TMEM74: variants seen among roughly 807,000 people sequenced by gnomAD.
TMEM74 encodes the protein transmembrane protein 74.
A neutral mutation model predicts 18.1 loss-of-function variants in TMEM74; 13 were observed. That is an observed-to-expected ratio of 0.72 (90% confidence interval 0.47 to 1.14). The LOEUF (loss-of-function observed/expected upper bound fraction) is 1.14. TMEM74 is among the 50% of genes most tolerant of loss of function. TMEM74 has a pLI of 0.00. For synonymous variants in TMEM74, 159 were observed against 146.6 expected (o/e 1.08, Z -0.61); for missense variants, 372 against 375.9 (o/e 0.99, Z 0.09).
At chr8:108,775,112 A>G (rs906030426), downstream of TMEM74, among the ~76,000 whole-genome samples, 5 of 152,196 alleles carry the variant, frequency 3.3e-5, no homozygotes, top group African/African-American at 1.2e-4. Flanking sequence ...CATGATAACC[A>G]TAAGAAACAA....
chr8:108,729,920 A>G (rs763838296), intron 1 of TMEM74, among the ~76,000 whole-genome samples: 1 of 152,210 alleles, frequency 6.6e-6, no homozygotes, highest in Non-Finnish European at 1.5e-5. Context: ...GTGGACAAAT[A>G]AGTTAGAACT....
chr8:108,670,069 G>A (rs1812988622), intron 1 of TMEM74, among the ~76,000 whole-genome samples: 1 of 148,582 alleles, frequency 6.7e-6, no homozygotes, highest in South Asian at 2.1e-4. Context: ...GCAATGAATG[G>A]CTTAATTCCT....
chr8:108,787,259 G>A (rs756631353), intron 1 of TMEM74, among the ~76,000 whole-genome samples: 15 of 152,300 alleles, frequency 9.8e-5, no homozygotes, highest in East Asian at 1.9e-4. Context: ...CGAGCCCCAA[G>A]CACCTGGCAG....
intron 1 of TMEM74, among the ~76,000 whole-genome samples, chr8:108,738,335 A>C (rs1217720321): frequency 6.6e-6 from 1 of 152,198 alleles, no homozygotes; most frequent in Non-Finnish European, 1.5e-5. Flanking sequence ...GTTTGTGCAC[A>C]GTTCAGAACA....
At chr8:108,766,204 C>T (rs1814105697) in intron 1 of TMEM74, among the ~76,000 whole-genome samples, 1 of 150,412 alleles carries the variant, frequency 6.6e-6, no homozygotes, top group Non-Finnish European at 1.5e-5. Context: ...TTCTCCTTTC[C>T]TTCCTTCCTT....
In TMEM74 at chr8:108,781,802, CA is replaced by C. The variant is rs1463430800; in HGVS notation, c.*2378del. 6.6e-6 allele frequency among the ~76,000 whole-genome samples: 1 copy of C among 152,084 alleles called. No individual in the cohort carries two copies. Among genetic ancestry groups the C allele is most frequent in the Non-Finnish European group, 1.5e-5 (1 of 68,000 alleles). ...GTTGAATATTTTTTTTCCAAAATGGCATTTTTCAAAATGTTACCTCTAGATC... is the reference window on the plus strand; with the variant it reads ...GTTGAATATTTTTTTTCCAAAATGGCTTTTTCAAAATGTTACCTCTAGATC... On this transcript the variant is annotated 3_prime_UTR_variant, in exon 2 of 2. Coordinates refer to ENST00000297459, the MANE Select transcript of TMEM74 (RefSeq NM_153015.3).
chr8:108,624,592 A>G (rs1812476605), intron 2 of TMEM74, among the ~76,000 whole-genome samples: 1 of 152,114 alleles, frequency 6.6e-6, no homozygotes, highest in African/African-American at 2.4e-5. Flanking sequence ...AGGTATACAT[A>G]GTCTCTTCAG....
chr8:108,675,135 G>A (rs1208513663), intron 1 of TMEM74, among the ~76,000 whole-genome samples: 1 of 152,156 alleles, frequency 6.6e-6, no homozygotes, highest in Non-Finnish European at 1.5e-5. Flanking sequence ...GAGTTCCCCT[G>A]TGGGAATAAG....
At chr8:108,682,458 A>T (rs1467664288) in intron 1 of TMEM74, among the ~76,000 whole-genome samples, 1 of 152,032 alleles carries the variant, frequency 6.6e-6, no homozygotes, top group South Asian at 2.1e-4. Flanking sequence ...ACTAATTTAT[A>T]TTTATCTGTT....
intron 2 of TMEM74, among the ~76,000 whole-genome samples, chr8:108,631,460 C>T (rs1053216478): frequency 6.6e-6 from 1 of 152,008 alleles, no homozygotes; most frequent in Non-Finnish European, 1.5e-5. Context: ...CATTTGCTTT[C>T]CACTTGGTGT....
At chr8:108,712,391 T>A (rs914385944) in intron 1 of TMEM74, among the ~76,000 whole-genome samples, 10 of 152,200 alleles carry the variant, frequency 6.6e-5, no homozygotes, top group African/African-American at 2.2e-4. Flanking sequence ...AAATGTCAGT[T>A]GATTCATGTA....
intron 2 of TMEM74, among the ~76,000 whole-genome samples, chr8:108,642,853 C>A (rs984181866): frequency 1.3e-5 from 2 of 152,124 alleles, no homozygotes; most frequent in African/African-American, 2.4e-5. Context: ...TTATTAAATT[C>A]ATTGTAGGAA....
At chr8:108,786,272 A>G (rs1385726129) in intron 1 of TMEM74, among the ~76,000 whole-genome samples, 1 of 152,214 alleles carries the variant, frequency 6.6e-6, no homozygotes, top group Non-Finnish European at 1.5e-5. Flanking sequence ...TGAGCAGAAA[A>G]CCATCGGCTT....
intron 2 of TMEM74, among the ~76,000 whole-genome samples, chr8:108,613,981 T>C (rs1214009844): frequency 6.6e-6 from 1 of 151,962 alleles, no homozygotes; most frequent in African/African-American, 2.4e-5. Flanking sequence ...TTTAGGAACC[T>C]GACACATAAT....
chr8:108,608,075 G>A (rs960946979), intron 3 of TMEM74, among the ~76,000 whole-genome samples: 2 of 152,070 alleles, frequency 1.3e-5, no homozygotes, highest in Admixed American at 6.5e-5. Flanking sequence ...AGGCCGAGGC[G>A]GGTGGATCAC....
chr8:108,657,580 G>A (rs545018851), intron 1 of TMEM74, among the ~76,000 whole-genome samples: 13 of 151,654 alleles, frequency 8.6e-5, no homozygotes, highest in Admixed American at 3.3e-4. Context: ...TTTTTGGACC[G>A]GGCGCGGTGG....
chr8:108,745,941 C>T (rs1248489661), intron 1 of TMEM74, among the ~76,000 whole-genome samples: 1 of 152,052 alleles, frequency 6.6e-6, no homozygotes, highest in Non-Finnish European at 1.5e-5. Context: ...AGTCATGTAC[C>T]CGCTGTTTGC....
intron 2 of TMEM74, among the ~76,000 whole-genome samples, chr8:108,612,846 TTAAAGCC>T (rs1336880740): frequency 6.6e-6 from 1 of 152,184 alleles, no homozygotes; most frequent in Non-Finnish European, 1.5e-5. Context: ...CTGTAAGTCA[TTAAAGCC>T]TAAATTTGCT....
At chr8:108,729,520 A>T (rs552227735) in intron 1 of TMEM74, among the ~76,000 whole-genome samples, 1 of 152,332 alleles carries the variant, frequency 6.6e-6, no homozygotes, top group Non-Finnish European at 1.5e-5. Context: ...TAGGGCAAGG[A>T]TATCTTTGGG....
Sources: gnomAD v4.1 joint callset for allele counts (sites outside exome capture counted in the v4.1 genomes callset) on GRCh38, gnomAD v4.1.1 for gene constraint, MANE v1.5 for transcripts, NCBI Gene and HGNC (gene_info 2026-07-23, HGNC 2026-07-21) for gene names.